PCDH15: variants seen among roughly 807,000 people sequenced by gnomAD.
PCDH15 encodes the protein protocadherin-15.
Under a neutral mutation model 178.5 loss-of-function variants are expected in PCDH15, and 129 were observed. That is an observed-to-expected ratio of 0.72 (90% CI 0.63 to 0.84). The LOEUF is 0.84. Ranked by LOEUF, PCDH15 falls within the 40% of genes least tolerant of loss-of-function variation. The pLI is 0.00. For missense variants in PCDH15, 2,230 were observed against 2,099.9 expected (o/e 1.06, Z -1.21); for synonymous variants, 800 against 732.0 (o/e 1.09, Z -1.50).
chr10:55,600,047 A>G lies in PCDH15; in HGVS notation c.-156+27578T>C, dbSNP rs542825920. 4.7e-4 allele frequency: 498 copies of G among 1,059,274 alleles called. 7 individuals are homozygous for G. In the South Asian group the frequency reaches 9.3e-3, roughly 20 times the overall value. The allele number at this position is 1,059,274 out of a possible 1,614,324, so 65.6% of individuals were successfully genotyped here. On this transcript the variant is annotated intron_variant, in intron 2 of 5. Coordinates refer to the PCDH15 transcript ENST00000613346. ...GATTCAAACAAGCCAACAGGCCCCAATGTATCATCCCTGCATTAAAAATTT... is the reference window on the plus strand; with the variant it reads ...GATTCAAACAAGCCAACAGGCCCCAGTGTATCATCCCTGCATTAAAAATTT...
intron 2 of PCDH15, among the ~76,000 whole-genome samples, chr10:55,025,115 G>T (rs1276488070): frequency 3.9e-5 from 6 of 151,906 alleles, no homozygotes; most frequent in Non-Finnish European, 8.8e-5. Flanking sequence ...ACATTATGTT[G>T]TAGCCATACC....
chr10:54,854,459 G>C (rs887474635), intron 3 of PCDH15, among the ~76,000 whole-genome samples: 3 of 152,310 alleles, frequency 2.0e-5, no homozygotes, highest in African/African-American at 4.8e-5. Context: ...GACAACTGGA[G>C]AGTGAGCAAG....
intron 13 of PCDH15, among the ~76,000 whole-genome samples, chr10:54,168,110 CT>C (rs1199467233): frequency 6.6e-6 from 1 of 151,958 alleles, no homozygotes; most frequent in Non-Finnish European, 1.5e-5. Flanking sequence ...ACCTAAATGC[CT>C]TATTTTCTTC....
chr10:55,009,325 G>C (rs1430510518), intron 2 of PCDH15, among the ~76,000 whole-genome samples: 1 of 151,940 alleles, frequency 6.6e-6, no homozygotes, highest in Admixed American at 6.6e-5. Context: ...TTAGGATACA[G>C]TAATGAAAAG....
At chr10:54,473,832 T>G (rs1414239696) in intron 3 of PCDH15, among the ~76,000 whole-genome samples, 1 of 152,034 alleles carries the variant, frequency 6.6e-6, no homozygotes, top group East Asian at 1.9e-4. Context: ...ATAGGAATTC[T>G]AATAATTTTT....
At chr10:54,473,210 G>A (rs182080638) in intron 3 of PCDH15, among the ~76,000 whole-genome samples, 13 of 152,178 alleles carry the variant, frequency 8.5e-5, no homozygotes, top group African/African-American at 1.2e-4. Flanking sequence ...TGCCAGATAC[G>A]AGTCAAAAAT....
At chr10:54,917,893 G>A (rs1837381318) in intron 2 of PCDH15, among the ~76,000 whole-genome samples, 1 of 152,030 alleles carries the variant, frequency 6.6e-6, no homozygotes, top group East Asian at 1.9e-4. Flanking sequence ...GTTGGTGGAG[G>A]ATATCAATAC....
chr10:53,835,293 C>T lies in PCDH15; in HGVS notation c.3984-3760G>A, dbSNP rs139170194. On this transcript the variant is annotated intron_variant, in intron 29 of 37. Coordinates refer to ENST00000644397, the MANE Select transcript of PCDH15 (RefSeq NM_001384140.1). ...TTCTGCCTTCTCCATCTTTCTCTTACGATTTGGACATACTGTTTTTAAATA... is the reference window on the plus strand; with the variant it reads ...TTCTGCCTTCTCCATCTTTCTCTTATGATTTGGACATACTGTTTTTAAATA... Among the ~76,000 whole-genome samples the T allele has an allele frequency of 2.0e-3, 301 of 152,232 alleles. No homozygotes were observed. The Middle Eastern group carries it at 0.027, about 14-fold the overall frequency.
At chr10:54,220,523 C>T (rs923100884) in intron 9 of PCDH15, among the ~76,000 whole-genome samples, 18 of 152,188 alleles carry the variant, frequency 1.2e-4, no homozygotes, top group African/African-American at 4.3e-4. Context: ...GACATCCTTA[C>T]AGAATATCAA....
intron 2 of PCDH15, among the ~76,000 whole-genome samples, chr10:55,418,002 G>C (rs1229783860): frequency 6.6e-6 from 1 of 151,572 alleles, no homozygotes; most frequent in East Asian, 1.9e-4. Context: ...CAACTTTTAA[G>C]CAAAAAATGT....
At chr10:54,148,909 TAA>T (rs2044244018) in intron 14 of PCDH15, among the ~76,000 whole-genome samples, 1 of 152,006 alleles carries the variant, frequency 6.6e-6, no homozygotes, top group Non-Finnish European at 1.5e-5. Context: ...CTTTCTAATT[TAA>T]AAGTCTTTCC....
chr10:55,006,542 C>T (rs940769072), intron 2 of PCDH15, among the ~76,000 whole-genome samples: 2 of 152,136 alleles, frequency 1.3e-5, no homozygotes, highest in African/African-American at 4.8e-5. Context: ...TTCCTCTTGG[C>T]TCATGGGGGT....
intron 13 of PCDH15, among the ~76,000 whole-genome samples, chr10:54,169,672 C>A (rs1409270079): frequency 6.6e-6 from 1 of 151,546 alleles, no homozygotes; most frequent in African/African-American, 2.4e-5. Flanking sequence ...TCTACTCCCT[C>A]CTTGGCGACC....
intron 8 of PCDH15, 149 bp downstream of exon 8, chr10:54,317,122 C>T (rs566861476): frequency 2.5e-6 from 2 of 791,688 alleles, no homozygotes; most frequent in African/African-American, 1.7e-5. Flanking sequence ...TATTCATACT[C>T]CCTGAAAATA....
At chr10:55,595,498 T>C (rs1290651473) in intron 2 of PCDH15, among the ~76,000 whole-genome samples, 1 of 152,118 alleles carries the variant, frequency 6.6e-6, no homozygotes, top group Non-Finnish European at 1.5e-5. Flanking sequence ...GTCAGACTAA[T>C]TTATGCTGAA....
intron 8 of PCDH15, among the ~76,000 whole-genome samples, chr10:54,258,239 G>A (rs754534639): frequency 6.6e-6 from 1 of 152,096 alleles, no homozygotes; most frequent in East Asian, 1.9e-4. Flanking sequence ...TCTTGTTCTT[G>A]TTGAAAACAG....
rs544838125 is a variant in PCDH15 at position 54,005,019 on chromosome 10, C to T, written c.2752-9254G>A. 2.3e-4 allele frequency among the ~76,000 whole-genome samples: 35 copies of T among 150,744 alleles called. 1 individual carries two copies. Among genetic ancestry groups the T allele is most frequent in the South Asian group, 8.4e-4 (4 of 4,778 alleles). ...ACCCAGAAATAAATTTACACAACTA[C>T]AGCAAAGTCAATTTTGACAAAAGTG... On this transcript the variant is annotated intron_variant, in intron 20 of 37. Coordinates refer to ENST00000644397, the MANE Select transcript of PCDH15 (RefSeq NM_001384140.1).
At chr10:54,750,529 A>G (rs1304838285) in intron 1 of PCDH15, among the ~76,000 whole-genome samples, 2 of 152,050 alleles carry the variant, frequency 1.3e-5, no homozygotes, top group Admixed American at 6.6e-5. Context: ...TATACAATCT[A>G]TTTTCAAGTT....
At chr10:54,794,111 T>TTAAGATATATA (rs1184111681) in intron 1 of PCDH15, among the ~76,000 whole-genome samples, 1 of 146,994 alleles carries the variant, frequency 6.8e-6, no homozygotes, top group Non-Finnish European at 1.5e-5. Flanking sequence ...TTTCTTTCCT[T>TTAAGATATATA]TAAGATATAT....
Sources: gnomAD v4.1 joint callset for allele counts (sites outside exome capture counted in the v4.1 genomes callset) on GRCh38, gnomAD v4.1.1 for gene constraint, MANE v1.5 for transcripts, NCBI Gene and HGNC (gene_info 2026-07-23, HGNC 2026-07-21) for gene names.